FLII: variants seen among roughly 807,000 people sequenced by gnomAD.
The protein encoded by FLII is protein flightless-1 homolog.
A neutral mutation model predicts 156.2 loss-of-function variants in FLII; 101 were observed. The ratio of observed to expected loss-of-function variants is 0.65; its 90% CI spans 0.55 to 0.76. The LOEUF is 0.76. FLII is among the 30% of genes least tolerant of loss of function. FLII has a pLI of 0.00. For synonymous variants in FLII, 767 were observed against 685.8 expected, an observed-to-expected ratio of 1.12 and a Z score of -1.85; for missense variants, 1,675 against 1,682.8, an observed-to-expected ratio of 1.00 and a Z score of 0.08.
chr17:18,246,803 C>T lies in FLII; in HGVS notation c.2842G>A (p.Glu948Lys), dbSNP rs778760276. ...TCCTTGTCTTCCTTCTTTTCCTCCT[C>T]CTCGTACTCCACAGGCACCCAGTAC... ...CRYWVPVEYE[E>K]EEKKEDKEEK... The change falls in exon 23 of 30, where the codon GAG (glutamate) becomes AAG (lysine). Residue 948 changes from glutamate to lysine, a missense_variant. By Grantham distance (56) the Glu-to-Lys change is moderately conservative. This residue lies in a region of FLII where 1,332 missense variants were observed against 1,269.3 expected (regional missense o/e 1.05). Transcript: ENST00000327031. The T allele has an allele frequency of 1.2e-6, 2 of 1,614,120 alleles. No homozygotes were observed. The highest frequency in any genetic ancestry group is 2.2e-5 in the East Asian group (1 of 44,864).
chr17:18,245,346 C>G lies in FLII; in HGVS notation c.3675+8G>C, dbSNP rs750416517. The G allele has an allele frequency of 6.2e-7, 1 of 1,614,106 alleles. No individual in the cohort carries two copies. The highest frequency in any genetic ancestry group is 1.3e-5 in the African/African-American group (1 of 74,948). On this transcript the variant is annotated splice_region_variant and intron_variant, in intron 29 of 29. Transcript: ENST00000327031. Reference sequence around the variant, plus strand: ...GGCCCACCTCGGCCCTCCCTCCACCCAGATTACCTGGCAGGCCTTCAGGCT... The same window carrying G: ...GGCCCACCTCGGCCCTCCCTCCACCGAGATTACCTGGCAGGCCTTCAGGCT...
At chr17:18,252,700 AG>A (rs1402624618) in intron 9 of FLII, 144 bp from the exon 10 acceptor site, 2 of 662,884 alleles carry the variant, frequency 3.0e-6, no homozygotes. Context: ...AGGACTTCTC[AG>A]AGCCAAGAGA....
intron 6 of FLII, 107 bp downstream of exon 6, chr17:18,254,414 G>A (rs2048356736): frequency 8.6e-7 from 1 of 1,158,620 alleles, no homozygotes. Flanking sequence ...CTGCACGGAG[G>A]GATGGCTGGG....
Position 18,246,796 on chromosome 17 carries a change from TC to T in FLII, c.2848del (p.Glu950LysfsTer72), listed in dbSNP as rs1251703756. 2.5e-6 allele frequency: 4 copies of T among 1,613,654 alleles called. No individual in the cohort carries two copies. The highest frequency in any genetic ancestry group is 1.3e-5 in the African/African-American group (1 of 74,880). The stretch of plus-strand genomic sequence containing the variant: ...CTTCTCCTCCTTGTCTTCCTTCTTT[TC>T]CTCCTCCTCGTACTCCACAGGCACC... ...YWVPVEYEEE[E>X]KKEDKEEKAE... On this transcript the variant is annotated frameshift_variant, in exon 23 of 30. Coordinates refer to ENST00000327031, the MANE Select transcript of FLII (RefSeq NM_002018.4). LOFTEE classifies it high-confidence loss of function.
Position 18,245,961 on chromosome 17 carries a change from G to T in FLII, c.3369C>A (p.Thr1123=). The change falls in exon 26 of 30, where the codon ACC becomes ACA. Residue 1123 remains threonine (T), a synonymous_variant. Coordinates refer to ENST00000327031, the MANE Select transcript of FLII (RefSeq NM_002018.4). ...EAKLAEDILN[T]MFDTSYSKQV... is the part of the protein sequence containing the mutation. Reference sequence around the variant, plus strand: ...GCTTGCTGTAGGAGGTGTCAAACATGGTGTTCAGGATGTCTTCTGCCAACT... The same window carrying T: ...GCTTGCTGTAGGAGGTGTCAAACATTGTGTTCAGGATGTCTTCTGCCAACT... 1 of 1,613,912 alleles carries T rather than the reference G, an allele frequency of 6.2e-7. No individual in the cohort carries two copies. The highest frequency in any genetic ancestry group is 1.3e-5 in the African/African-American group (1 of 74,998).
At chr17:18,249,683 G>A (rs1383048997) in intron 14 of FLII, among the ~76,000 whole-genome samples, 11 of 152,062 alleles carry the variant, frequency 7.2e-5, no homozygotes, top group East Asian at 1.9e-4. Flanking sequence ...CCAGCTACTC[G>A]GGAGGCTGAG....
At chr17:18,255,104 G>A (rs2048376781) in intron 4 of FLII, 79 bp downstream of exon 4, 11 of 1,170,398 alleles carry the variant, frequency 9.4e-6, no homozygotes, top group East Asian at 2.3e-5. Context: ...GGATAACAAT[G>A]GCCCCAGGGA....
At position 18,254,764 on chromosome 17, in the gene FLII, G is replaced by T; in HGVS notation, c.413+5C>A. On this transcript the variant is annotated splice_donor_5th_base_variant and intron_variant, in intron 5 of 29. Transcript: ENST00000327031. Reference sequence around the variant, plus strand: ...CCTGCCCCCTGCCCCCCACTGGCCTGGCACCTGTTGTGGCTGAGGTTCAGC... The same window carrying T: ...CCTGCCCCCTGCCCCCCACTGGCCTTGCACCTGTTGTGGCTGAGGTTCAGC... The T allele has an allele frequency of 6.2e-7, 1 of 1,614,078 alleles. No individual in the cohort carries two copies. Among genetic ancestry groups the T allele is most frequent in the Non-Finnish European group, 8.5e-7 (1 of 1,179,990 alleles).
At position 18,253,636 on chromosome 17, in the gene FLII, T is replaced by C; in HGVS notation, c.763A>G (p.Ser255Gly). 6.2e-7 allele frequency: 1 copy of C among 1,614,060 alleles called. No individual in the cohort carries two copies. Among genetic ancestry groups the C allele is most frequent in the Non-Finnish European group, 8.5e-7 (1 of 1,180,026 alleles). Reference protein sequence around the residue: ...LPSLRRLNLSSNQITELSLCI... With the variant: ...LPSLRRLNLSGNQITELSLCI... ...AGGGACAGCTCCGTGATCTGGTTGC[T>C]GCTGAGGTTGAGGCGGCGCAGGCTG... Residue 255 changes from serine (S) to glycine (G), a missense_variant, in exon 8 of 30, where the codon AGC becomes GGC. Coordinates refer to ENST00000327031, the MANE Select transcript of FLII (RefSeq NM_002018.4).
intron 9 of FLII, 144 bp downstream of exon 9, chr17:18,253,157 A>G (rs2048319073): frequency 7.8e-6 from 7 of 901,318 alleles, no homozygotes; most frequent in South Asian, 1.7e-5. Flanking sequence ...CTCAAAAACA[A>G]AAAAGAAAAG....
At position 18,256,416 on chromosome 17, in the gene FLII, C is replaced by T. The variant is rs1270644624; in HGVS notation, c.246+110G>A. 26 of 831,144 alleles carry T rather than the reference C, an allele frequency of 3.1e-5. No homozygotes were observed. The highest frequency in any genetic ancestry group is 4.1e-5 in the Non-Finnish European group (21 of 512,684). The allele number at this position is 831,144 out of a possible 1,614,324, so 51.5% of individuals were successfully genotyped here. A position where few individuals can be genotyped will look rare whatever the true frequency, so the allele number is the denominator to read the frequency against. On this transcript the variant is annotated intron_variant, in intron 3 of 29. Coordinates refer to ENST00000327031, the MANE Select transcript of FLII (RefSeq NM_002018.4). ...GACACCTGAGCCTCTGAGCCTGACA[C>T]GGAGGTGGGCAGAAATGCTGGCCCA...
In FLII at chr17:18,254,602, C is replaced by T. The variant is rs1597920679; in HGVS notation, c.494G>A (p.Ser165Asn). Residue 165 changes from serine (S) to asparagine (N), a missense_variant, in exon 6 of 30, where the codon AGC becomes AAC. This residue lies in a region of FLII where 343 missense variants were observed against 413.5 expected (regional missense o/e 0.83). Transcript: ENST00000327031. ...YLDLSENRLE[S>N]LPPQMRRLVH... Reference sequence around the variant, plus strand: ...CAGGCGGCGCATCTGCGGGGGCAGGCTCTCCAGGCGGTTCTCGCTGAGGTC... The same window carrying T: ...CAGGCGGCGCATCTGCGGGGGCAGGTTCTCCAGGCGGTTCTCGCTGAGGTC... 2 of 1,613,780 alleles carry T rather than the reference C, an allele frequency of 1.2e-6. No homozygotes were observed. Among genetic ancestry groups the T allele is most frequent in the Admixed American group, 3.3e-5 (2 of 59,972 alleles).
rs2048169933 is a variant in FLII at position 18,248,835 on chromosome 17, C to A, written c.1983G>T (p.Gly661=). The A allele has an allele frequency of 1.9e-6, 3 of 1,613,858 alleles. No homozygotes were observed. Among genetic ancestry groups the A allele is most frequent in the Non-Finnish European group, 2.5e-6 (3 of 1,179,916 alleles). The change falls in exon 17 of 30, where the codon GGG becomes GGT. Residue 661 remains glycine (G), a synonymous_variant. Coordinates refer to ENST00000327031, the MANE Select transcript of FLII (RefSeq NM_002018.4). ...TGGTGCTGCTCAGTGTGGCCTGGGC[C>A]CCCCGCCATACGTAGATGTCTAGCC... The part of the protein sequence containing the change: ...DRGLDIYVWR[G]AQATLSSTTK...
chr17:18,254,837 C>T lies in FLII; in HGVS notation c.345G>A (p.Gln115=). Residue 115 remains glutamine (Q), a synonymous_variant, in exon 5 of 30, where the codon CAG becomes CAA. Transcript: ENST00000327031. The part of the protein sequence containing the change: ...DLSVLDLSHN[Q]LTECPRELEN... The stretch of plus-strand genomic sequence containing the variant: ...CCAGCTCCCGCGGGCACTCTGTCAG[C>T]TGGTTGTGGCTCAAGTCCTGGGTAG... The T allele has an allele frequency of 6.2e-7, 1 of 1,614,138 alleles. No individual in the cohort carries two copies. The highest frequency in any genetic ancestry group is 8.5e-7 in the Non-Finnish European group (1 of 1,180,010).
At chr17:18,253,250 G>T in intron 9 of FLII, 51 bp downstream of exon 9, 1 of 1,602,134 alleles carries the variant, frequency 6.2e-7, no homozygotes, top group East Asian at 2.2e-5. Flanking sequence ...CTACGATCCC[G>T]GGGTTCTCTG....
At chr17:18,252,282 TG>T in intron 10 of FLII, 136 bp from the exon 11 acceptor site, 1 of 909,902 alleles carries the variant, frequency 1.1e-6, no homozygotes, top group Non-Finnish European at 1.7e-6. Flanking sequence ...CACCCACCTC[TG>T]GGGCTGGCTG....
At chr17:18,252,591 G>C in intron 9 of FLII, 35 bp from the exon 10 acceptor site, 1 of 1,575,806 alleles carries the variant, frequency 6.3e-7, no homozygotes, top group Non-Finnish European at 8.7e-7. Context: ...CCTCAGGCAG[G>C]TGACAGACAA....
intron 13 of FLII, 27 bp from the exon 14 acceptor site, chr17:18,251,044 A>C (rs1260750961): frequency 1.2e-6 from 2 of 1,603,722 alleles, no homozygotes; most frequent in South Asian, 2.2e-5. Flanking sequence ...CGGCCACATC[A>C]GCTTTCATCC....
chr17:18,257,760 A>C (rs970112200), intron 1 of FLII, among the ~76,000 whole-genome samples: 13 of 152,208 alleles, frequency 8.5e-5, no homozygotes, highest in Non-Finnish European at 5.9e-5. Flanking sequence ...AGGTGTGTAC[A>C]CAGGCAGGTA....
Sources: gnomAD v4.1 joint callset for allele counts (sites outside exome capture counted in the v4.1 genomes callset) on GRCh38, gnomAD v4.1.1 for gene constraint, gnomAD v4.1.1 regional missense constraint, MANE v1.5 for transcripts, NCBI Gene and HGNC (gene_info 2026-07-23, HGNC 2026-07-21) for gene names.